OSBPL10: variants seen among roughly 807,000 people sequenced by gnomAD.
OSBPL10 encodes oxysterol-binding protein-related protein 10.
A neutral mutation model predicts 81.7 loss-of-function variants in OSBPL10; 49 were observed. The ratio of observed to expected loss-of-function variants is 0.60; its 90% CI spans 0.48 to 0.76. The LOEUF is 0.76. OSBPL10 is among the 30% of genes least tolerant of loss of function. OSBPL10 has a pLI of 0.00. For missense variants in OSBPL10, 923 were observed against 987.8 expected (o/e 0.93, Z 0.88); for synonymous variants, 419 against 383.6 (o/e 1.09, Z -1.08).
intron 8 of OSBPL10, among the ~76,000 whole-genome samples, chr3:31,682,891 GT>G (rs1375119450): frequency 2.6e-5 from 4 of 152,092 alleles, no homozygotes; most frequent in Non-Finnish European, 4.4e-5. Flanking sequence ...ATCTCATGGG[GT>G]TTTGGAAGGG....
At chr3:31,723,571 C>CACACACACACACACACA (rs376763435) in intron 6 of OSBPL10, among the ~76,000 whole-genome samples, 2 of 151,120 alleles carry the variant, frequency 1.3e-5, no homozygotes, top group Non-Finnish European at 2.9e-5. Context: ...CACACACACA[C>CACACACACACACACACA]CCCTTTCCCT....
At chr3:31,939,595 G>A (rs1274973479) in intron 1 of OSBPL10, among the ~76,000 whole-genome samples, 1 of 151,604 alleles carries the variant, frequency 6.6e-6, no homozygotes, top group Admixed American at 6.6e-5. Flanking sequence ...CCCCTCCAGT[G>A]AAACTCCCCT....
chr3:31,832,073 T>C (rs12493430), intron 3 of OSBPL10, among the ~76,000 whole-genome samples: 39,436 of 152,190 alleles, frequency 0.26, 6,156 homozygotes, highest in Non-Finnish European at 0.35. Flanking sequence ...TCTCTATGAA[T>C]TGATCTGGAA....
intron 10 of OSBPL10, among the ~76,000 whole-genome samples, chr3:31,665,580 C>T (rs1700169510): frequency 6.6e-6 from 1 of 152,114 alleles, no homozygotes; most frequent in Non-Finnish European, 1.5e-5. Context: ...AGAAGAAACC[C>T]CAGCTGCACA....
At chr3:31,790,508 C>T (rs74926335) in intron 4 of OSBPL10, among the ~76,000 whole-genome samples, 2 of 152,094 alleles carry the variant, frequency 1.3e-5, no homozygotes, top group African/African-American at 4.8e-5. Flanking sequence ...CACAGCTGTT[C>T]GCATACACCA....
chr3:31,844,383 T>C (rs1049955847), intron 3 of OSBPL10, among the ~76,000 whole-genome samples: 1 of 152,162 alleles, frequency 6.6e-6, no homozygotes, highest in Non-Finnish European at 1.5e-5. Flanking sequence ...ATATGCACAA[T>C]AGTCAAAAGG....
chr3:31,672,960 A>T (rs188810565), intron 8 of OSBPL10, among the ~76,000 whole-genome samples: 2 of 152,184 alleles, frequency 1.3e-5, no homozygotes, highest in Non-Finnish European at 2.9e-5. Flanking sequence ...CACAAACAGC[A>T]TAAGTCCACT....
In OSBPL10 at chr3:31,753,373, C is replaced by T. The variant is rs532622384; in HGVS notation, c.730-5253G>A. Reference sequence around the variant, plus strand: ...GCTAATTTTGTATGTTTAGTAGAGACAGGGTTTCTCCATGCTGGTCAGGCT... The same window carrying T: ...GCTAATTTTGTATGTTTAGTAGAGATAGGGTTTCTCCATGCTGGTCAGGCT... On this transcript the variant is annotated intron_variant, in intron 4 of 11. Transcript: ENST00000396556. Among the ~76,000 whole-genome samples the T allele has an allele frequency of 2.0e-5, 3 of 152,090 alleles. No individual in the cohort carries two copies. The South Asian group carries it at 6.2e-4, about 32-fold the overall frequency.
intron 2 of OSBPL10, among the ~76,000 whole-genome samples, chr3:32,038,977 GA>G: frequency 6.6e-6 from 1 of 152,102 alleles, no homozygotes; most frequent in Middle Eastern, 3.4e-3. Flanking sequence ...AAAATTAATT[GA>G]AAAACTAGAC....
At chr3:31,662,825 T>C (rs1207928106) in intron 11 of OSBPL10, 1 of 985,440 alleles carries the variant, frequency 1.0e-6, no homozygotes. Flanking sequence ...ACTAGCTCTC[T>C]CAAGCTACTA....
intron 1 of OSBPL10, among the ~76,000 whole-genome samples, chr3:31,905,696 G>A (rs1233149945): frequency 6.6e-6 from 1 of 151,922 alleles, no homozygotes; most frequent in Non-Finnish European, 1.5e-5. Context: ...AAGGCCTAGT[G>A]AGAGAGGAGG....
intron 4 of OSBPL10, among the ~76,000 whole-genome samples, chr3:31,762,049 C>T (rs7629494): frequency 0.055 from 8,431 of 151,926 alleles, 818 homozygotes; most frequent in African/African-American, 0.19. Context: ...CCCAGGGACA[C>T]GGAGAACAAG....
intron 2 of OSBPL10, among the ~76,000 whole-genome samples, chr3:32,011,168 T>C (rs1213504363): frequency 1.3e-5 from 2 of 151,998 alleles, no homozygotes; most frequent in Admixed American, 6.6e-5. Context: ...GACCCCCGAG[T>C]AGCCTAACTG....
intron 6 of OSBPL10, among the ~76,000 whole-genome samples, chr3:31,715,772 T>C (rs1017758011): frequency 1.7e-4 from 26 of 152,362 alleles, no homozygotes; most frequent in Non-Finnish European, 3.7e-4. Context: ...TGGCTTTCTA[T>C]ATCCACAGTT....
At chr3:31,685,064 G>C (rs961157670) in intron 7 of OSBPL10, among the ~76,000 whole-genome samples, 2 of 152,154 alleles carry the variant, frequency 1.3e-5, no homozygotes, top group Non-Finnish European at 2.9e-5. Flanking sequence ...ATCATCTACT[G>C]TAAGTCACTT....
intron 1 of OSBPL10, among the ~76,000 whole-genome samples, chr3:32,048,524 C>A (rs906430104): frequency 7.0e-4 from 107 of 152,192 alleles, no homozygotes; most frequent in Non-Finnish European, 1.0e-3. Context: ...TCAGGCTGGT[C>A]TCAAACTCCT....
intron 8 of OSBPL10, among the ~76,000 whole-genome samples, chr3:31,676,113 T>A (rs556057403): frequency 3.3e-5 from 5 of 152,100 alleles, no homozygotes; most frequent in African/African-American, 1.2e-4. Flanking sequence ...AAGGTAAAAT[T>A]TCCCCCAAGT....
intron 4 of OSBPL10, among the ~76,000 whole-genome samples, chr3:31,792,900 G>A (rs1699067680): frequency 7.0e-6 from 1 of 142,762 alleles, no homozygotes; most frequent in Non-Finnish European, 1.6e-5. Context: ...GTGTGTGTGT[G>A]TGTGTGTGTT....
At chr3:31,910,438 C>T (rs1218176249) in intron 1 of OSBPL10, among the ~76,000 whole-genome samples, 1 of 151,894 alleles carries the variant, frequency 6.6e-6, no homozygotes, top group African/African-American at 2.4e-5. Flanking sequence ...AGTTCAAGAC[C>T]AGCCTGGCCA....
Sources: allele counts gnomAD v4.1 joint callset (sites outside exome capture counted in the v4.1 genomes callset), GRCh38; gene constraint gnomAD v4.1.1; transcripts MANE v1.5; gene names NCBI Gene and HGNC (gene_info 2026-07-23, HGNC 2026-07-21).